The following PCDH19 variants were observed in gnomAD, a reference collection of about 807,000 sequenced individuals.
PCDH19 encodes protocadherin 19, also known as protocadherin-19.
PCDH19 carries 6 observed loss-of-function variants against 46.2 expected under a neutral mutation model. The ratio of observed to expected loss-of-function variants is 0.13; its 90% CI spans 0.07 to 0.26. PCDH19 has a LOEUF of 0.26. Ranked by LOEUF, PCDH19 falls within the 10% of genes least tolerant of loss-of-function variation. The pLI is 1.00. For synonymous variants in PCDH19, 481 were observed against 415.7 expected (o/e 1.16, Z -1.91); for missense variants, 740 against 972.3 (o/e 0.76, Z 3.18).
chrX:100,310,278 G>T (rs1239935377), intron 5 of PCDH19, among the ~76,000 whole-genome samples: 1 of 110,897 alleles, frequency 9.0e-6, no homozygotes, highest in Non-Finnish European at 1.9e-5. Flanking sequence ...TTTTTGTACT[G>T]GGGCTCGATT....
intron 3 of PCDH19, among the ~76,000 whole-genome samples, chrX:100,381,383 T>G (rs1927548353): frequency 8.9e-6 from 1 of 112,120 alleles, no homozygotes; most frequent in Non-Finnish European, 1.9e-5. Flanking sequence ...TATGACAAAC[T>G]GAAACCCCAG....
intron 5 of PCDH19, among the ~76,000 whole-genome samples, chrX:100,302,843 T>C (rs1166416033): frequency 1.8e-5 from 2 of 111,854 alleles, no homozygotes; most frequent in Non-Finnish European, 3.8e-5. Flanking sequence ...GAGCTGTCAA[T>C]TAAACTGTTA....
intron 3 of PCDH19, among the ~76,000 whole-genome samples, chrX:100,400,329 C>G (rs764412154): frequency 2.2e-4 from 25 of 112,428 alleles, no homozygotes; most frequent in African/African-American, 7.7e-4. Flanking sequence ...GTGAAGAGGT[C>G]TACTATTTTG....
chrX:100,320,361 C>G (rs992964683), intron 5 of PCDH19, among the ~76,000 whole-genome samples: 1 of 112,202 alleles, frequency 8.9e-6, no homozygotes, highest in Admixed American at 9.5e-5. Flanking sequence ...TGAGATCACA[C>G]AGAGTTAGTG....
At chrX:100,298,301 G>A (rs1253644701) in intron 5 of PCDH19, among the ~76,000 whole-genome samples, 1 of 111,507 alleles carries the variant, frequency 9.0e-6, no homozygotes, top group Non-Finnish European at 1.9e-5. Context: ...TCATTATTTG[G>A]AGGAAAGACA....
rs750942840 is a variant in PCDH19 at position 100,342,153 on chromosome X, G to A, written c.2676-78C>T. On this transcript the variant is annotated intron_variant, in intron 4 of 5. Coordinates refer to ENST00000373034, the MANE Select transcript of PCDH19 (RefSeq NM_001184880.2). The stretch of plus-strand genomic sequence containing the variant: ...AATCTTTCTGAGCCAGGATGATGTC[G>A]GCTCTGTAATGAGGCAAACAGTGGC... 6 of 942,721 alleles carry A rather than the reference G, an allele frequency of 6.4e-6. No homozygotes were observed. In the East Asian group the frequency reaches 1.2e-4, roughly 19 times the overall value. The allele number at this position is 942,721 out of a possible 1,213,427, so 77.7% of individuals were successfully genotyped here. A position where few individuals can be genotyped will look rare whatever the true frequency, so the allele number is the denominator to read the frequency against.
intron 5 of PCDH19, among the ~76,000 whole-genome samples, chrX:100,308,772 G>GA (rs1314041403): frequency 9.0e-6 from 1 of 111,576 alleles, no homozygotes; most frequent in Admixed American, 9.5e-5. Context: ...ACAAGCATAT[G>GA]AAAAAATGCT....
chrX:100,407,882 C>A lies in PCDH19; in HGVS notation c.716G>T (p.Ser239Ile). 2 of 1,212,358 alleles carry A rather than the reference C, an allele frequency of 1.6e-6. No homozygotes were observed. The highest frequency in any genetic ancestry group is 2.2e-6 in the Non-Finnish European group (2 of 895,662). Reference protein sequence around the residue: ...TDSNDNNPVFSESTYAVSVPE... With the variant: ...TDSNDNNPVFIESTYAVSVPE... The stretch of plus-strand genomic sequence containing the variant: ...CACGCTCACCGCGTAGGTGGACTCG[C>A]TAAACACCGGGTTGTTGTCATTGGA... Residue 239 changes from serine (S) to isoleucine (I), a missense_variant, in exon 1 of 6, where the codon AGC (serine) becomes ATC (isoleucine). This residue lies in a region of PCDH19 where 186 missense variants were observed against 319.9 expected (regional missense o/e 0.58). Transcript: ENST00000373034.
At chrX:100,334,755 C>CATGT (rs113189477) in intron 5 of PCDH19, among the ~76,000 whole-genome samples, 4 of 100,477 alleles carry the variant, frequency 4.0e-5, no homozygotes, top group African/African-American at 1.5e-4. Flanking sequence ...ATATAACCAA[C>CATGT]GTGTGTGTGT....
rs1924459177 is a variant in PCDH19 at position 100,292,572 on chromosome X, G to A, written c.*3705C>T. On this transcript the variant is annotated 3_prime_UTR_variant, in exon 6 of 6. Transcript: ENST00000373034. ...CATTAGGACAATGTGTTTTGCTCTG[G>A]AATATTTCATTATCAATATAAAGCC... 1 of 111,957 alleles carries A rather than the reference G, an allele frequency of 8.9e-6. No homozygotes were observed. The highest frequency in any genetic ancestry group is 3.8e-4 in the South Asian group (1 of 2,662). 9.2% of individuals were successfully genotyped at this position (111,957 alleles called of 1,213,427 possible). A position where few individuals can be genotyped will look rare whatever the true frequency, so the allele number is the denominator to read the frequency against.
intron 3 of PCDH19, among the ~76,000 whole-genome samples, chrX:100,360,564 C>CA (rs979269514): frequency 8.9e-6 from 1 of 112,147 alleles, no homozygotes; most frequent in African/African-American, 3.2e-5. Context: ...TTTACTGTCA[C>CA]AAAAAATATA....
At chrX:100,361,413 T>C (rs1400697181) in intron 3 of PCDH19, among the ~76,000 whole-genome samples, 1 of 111,625 alleles carries the variant, frequency 9.0e-6, no homozygotes, top group African/African-American at 3.3e-5. Context: ...ACATCCAAGT[T>C]CATAACTGGG....
chrX:100,384,420 C>G (rs1927650806), intron 3 of PCDH19, among the ~76,000 whole-genome samples: 1 of 110,897 alleles, frequency 9.0e-6, no homozygotes, highest in Non-Finnish European at 1.9e-5. Context: ...ACCCCTGTCC[C>G]CTATCCTCTT....
intron 5 of PCDH19, among the ~76,000 whole-genome samples, chrX:100,336,813 T>C (rs1300741596): frequency 9.0e-6 from 1 of 111,435 alleles, no homozygotes; most frequent in Non-Finnish European, 1.9e-5. Context: ...ATTAAAACCA[T>C]AAGGAAAGAG....
chrX:100,388,865 ATTCCTGTGT>A (rs1166187505), intron 3 of PCDH19, among the ~76,000 whole-genome samples: 1 of 111,319 alleles, frequency 9.0e-6, no homozygotes, highest in Non-Finnish European at 1.9e-5. Flanking sequence ...TGTTTTACAC[ATTCCTGTGT>A]TCCTTGACTT....
At chrX:100,399,106 A>G (rs1928104777) in intron 3 of PCDH19, among the ~76,000 whole-genome samples, 1 of 112,208 alleles carries the variant, frequency 8.9e-6, no homozygotes, top group Non-Finnish European at 1.9e-5. Flanking sequence ...ATAACTGCTA[A>G]TGGGATAAAT....
chrX:100,313,701 G>A (rs1007344381), intron 5 of PCDH19, among the ~76,000 whole-genome samples: 1 of 111,291 alleles, frequency 9.0e-6, no homozygotes, highest in Non-Finnish European at 1.9e-5. Flanking sequence ...CATATATTAA[G>A]ACATGGCACA....
intron 4 of PCDH19, among the ~76,000 whole-genome samples, chrX:100,343,671 C>T (rs1021991926): frequency 2.7e-5 from 3 of 111,870 alleles, no homozygotes; most frequent in African/African-American, 9.8e-5. Context: ...ATAAATTATG[C>T]ATCTGAAATA....
chrX:100,292,811 A>G lies in PCDH19; in HGVS notation c.*3466T>C, dbSNP rs141805622. The G allele has an allele frequency of 4.5e-5, 5 of 112,121 alleles. No homozygotes were observed. The highest frequency in any genetic ancestry group is 1.3e-4 in the African/African-American group (4 of 30,782). 9.2% of individuals were successfully genotyped at this position (112,121 alleles called of 1,213,427 possible). On this transcript the variant is annotated 3_prime_UTR_variant, in exon 6 of 6. Transcript: ENST00000373034. ...CATTTATGCCAGTTTTTCAAAGTCAATAAGGGTCTTATTACCCGGGGTAAA... is the reference window on the plus strand; with the variant it reads ...CATTTATGCCAGTTTTTCAAAGTCAGTAAGGGTCTTATTACCCGGGGTAAA...
Sources: gnomAD v4.1 joint callset for allele counts (sites outside exome capture counted in the v4.1 genomes callset) on GRCh38, gnomAD v4.1.1 for gene constraint, gnomAD v4.1.1 regional missense constraint, MANE v1.5 for transcripts, NCBI Gene and HGNC (gene_info 2026-07-23, HGNC 2026-07-21) for gene names.